Variants in TECPR2 observed in about 807,000 individuals in gnomAD.
TECPR2 encodes the protein tectonin beta-propeller repeat-containing protein 2.
Under a neutral mutation model 138.1 loss-of-function variants are expected in TECPR2, and 65 were observed. The observed-to-expected ratio is 0.47, with a 90% CI of 0.39 to 0.58. The LOEUF (loss-of-function observed/expected upper bound fraction) is 0.58. Among genes scored for constraint, TECPR2 ranks in the 20% least tolerant of loss-of-function variants. The pLI is 0.00. For synonymous variants in TECPR2, 746 were observed against 749.8 expected (o/e 0.99, Z 0.08); for missense variants, 1,553 against 1,824.5 (o/e 0.85, Z 2.71).
chr14:102,431,580 G>A (rs887886777), intron 7 of TECPR2, among the ~76,000 whole-genome samples: 4 of 152,116 alleles, frequency 2.6e-5, no homozygotes, highest in East Asian at 1.9e-4. Context: ...CTGACCTTGT[G>A]ATCCGCCCGC....
intron 2 of TECPR2, among the ~76,000 whole-genome samples, chr14:102,403,696 G>C (rs914297935): frequency 6.6e-6 from 1 of 152,046 alleles, no homozygotes; most frequent in Non-Finnish European, 1.5e-5. Flanking sequence ...CAAAGTCAAT[G>C]CACAAAAATC....
At chr14:102,407,049 G>C (rs564535246) in intron 2 of TECPR2, among the ~76,000 whole-genome samples, 1 of 151,924 alleles carries the variant, frequency 6.6e-6, no homozygotes, top group Non-Finnish European at 1.5e-5. Flanking sequence ...TAGTAGAGAC[G>C]GGGTTTCGCC....
Position 102,443,536 on chromosome 14 carries a change from A to G in TECPR2, c.2753-111A>G. Reference sequence around the variant, plus strand: ...GTTTTTTTTTAAAGCACTCATCATAAAAGAATATAGCAAAATACCAAAAAA... The same window carrying G: ...GTTTTTTTTTAAAGCACTCATCATAGAAGAATATAGCAAAATACCAAAAAA... On this transcript the variant is annotated intron_variant, in intron 11 of 19. Coordinates refer to ENST00000359520, the MANE Select transcript of TECPR2 (RefSeq NM_014844.5). The surrounding 1 kb of genome is among the most constrained non-coding windows in gnomAD (Gnocchi z 4.9). 2.8e-6 allele frequency: 3 copies of G among 1,086,142 alleles called. No homozygotes were observed. The highest frequency in any genetic ancestry group is 2.4e-6 in the Non-Finnish European group (2 of 827,740). 67.3% of individuals were successfully genotyped at this position (1,086,142 alleles called of 1,614,324 possible).
chr14:102,376,892 C>G lies in TECPR2; in HGVS notation c.171C>G (p.Leu57=), dbSNP rs765658697. 1.9e-6 allele frequency: 3 copies of G among 1,614,172 alleles called. No homozygotes were observed. Among genetic ancestry groups the G allele is most frequent in the Non-Finnish European group, 2.5e-6 (3 of 1,180,034 alleles). ...YIAVGSSIGM[L]YLYCRHLNQM... ...CGGTGGGCAGCAGCATCGGCATGCT[C>G]TATCTGTACTGCCGGCACCTCAACC... Residue 57 remains leucine, a synonymous_variant, in exon 2 of 20, where the codon CTC becomes CTG. Transcript: ENST00000359520.
intron 17 of TECPR2, among the ~76,000 whole-genome samples, chr14:102,492,051 GT>G (rs1891171187): frequency 6.6e-6 from 1 of 152,214 alleles, no homozygotes; most frequent in Non-Finnish European, 1.5e-5. Context: ...GAAATACTGG[GT>G]AAAGGCATGA....
At chr14:102,465,599 A>C in intron 17 of TECPR2, 1 of 1,042,088 alleles carries the variant, frequency 9.6e-7, no homozygotes, top group Non-Finnish European at 1.2e-6. Flanking sequence ...TATATATTGG[A>C]ACCTCTATTT....
intron 4 of TECPR2, among the ~76,000 whole-genome samples, chr14:102,410,785 C>T (rs941251701): frequency 3.3e-5 from 5 of 152,184 alleles, no homozygotes; most frequent in African/African-American, 7.2e-5. Flanking sequence ...CATACATGCC[C>T]TGCTCTGGTT....
chr14:102,474,178 G>A (rs1053726390), intron 17 of TECPR2, among the ~76,000 whole-genome samples: 9 of 152,122 alleles, frequency 5.9e-5, no homozygotes. Context: ...TGAGGTGGGA[G>A]GATCACTTGA....
chr14:102,415,000 C>T (rs902304251), intron 5 of TECPR2, among the ~76,000 whole-genome samples: 1 of 152,106 alleles, frequency 6.6e-6, no homozygotes, highest in Non-Finnish European at 1.5e-5. Flanking sequence ...CTTCTTGTCG[C>T]AGAGCTGTAG....
chr14:102,393,575 T>A (rs912609449), intron 2 of TECPR2, among the ~76,000 whole-genome samples: 4 of 152,330 alleles, frequency 2.6e-5, no homozygotes, highest in African/African-American at 9.6e-5. Flanking sequence ...TTATTTATTT[T>A]TGAGACGGAG....
At position 102,434,487 on chromosome 14, in the gene TECPR2, C is replaced by A; in HGVS notation, c.1670C>A (p.Pro557His). The A allele has an allele frequency of 1.3e-6, 2 of 1,561,136 alleles. No individual in the cohort carries two copies. The highest frequency in any genetic ancestry group is 1.7e-6 in the Non-Finnish European group (2 of 1,154,066). The change falls in exon 9 of 20, where the codon CCT (proline) becomes CAT (histidine). Residue 557 changes from proline to histidine, a missense_variant. Pro to His is a moderately conservative substitution (Grantham distance 77). Transcript: ENST00000359520. Reference sequence around the variant, plus strand: ...GTCCTGGAGGTGTCAGGATCAATGCCTGATTCTCTGGCTGAGGAAGATGAC... The same window carrying A: ...GTCCTGGAGGTGTCAGGATCAATGCATGATTCTCTGGCTGAGGAAGATGAC... ...FNVLEVSGSM[P>H]DSLAEEDDIR...
intron 1 of TECPR2, among the ~76,000 whole-genome samples, chr14:102,370,951 G>C (rs911229349): frequency 3.3e-5 from 5 of 152,220 alleles, no homozygotes; most frequent in African/African-American, 1.2e-4. Context: ...ACTGGTAGAA[G>C]ATACAAGATA....
rs74646504 is a variant in TECPR2 at position 102,437,921 on chromosome 14, G to A, written c.2395-101G>A. 2,793 of 1,371,340 alleles carry A rather than the reference G, an allele frequency of 2.0e-3. 57 individuals carry two copies. The African/African-American group carries it at 0.035, about 17-fold the overall frequency. 84.9% of individuals were successfully genotyped at this position (1,371,340 alleles called of 1,614,324 possible). A position where few individuals can be genotyped will look rare whatever the true frequency, so the allele number is the denominator to read the frequency against. The stretch of plus-strand genomic sequence containing the variant: ...TGGCGTCTTGCTGACCCGTTTTACC[G>A]TCTCGTGTTAATGATATCCTCTCAC... On this transcript the variant is annotated intron_variant, in intron 9 of 19. Coordinates refer to ENST00000359520, the MANE Select transcript of TECPR2 (RefSeq NM_014844.5).
At chr14:102,477,596 A>T (rs1349240092) in intron 17 of TECPR2, among the ~76,000 whole-genome samples, 2 of 144,626 alleles carry the variant, frequency 1.4e-5, no homozygotes. Context: ...TGTAGCCCAG[A>T]CTGGGGTACA....
chr14:102,418,085 A>G lies in TECPR2; in HGVS notation c.638+3292A>G, dbSNP rs996751245. ...ACATAAGGGGTTTGACGGGCCTGTC[A>G]GGTGGCTGCGTGGGAGTCGCAGAAG... is the stretch of plus-strand genomic sequence containing the variant. On this transcript the variant is annotated intron_variant, in intron 5 of 19. Transcript: ENST00000359520. Among the ~76,000 whole-genome samples the G allele has an allele frequency of 1.5e-3, 235 of 152,224 alleles. 1 individual carries two copies. The highest frequency in any genetic ancestry group is 5.2e-3 in the African/African-American group (214 of 41,546).
intron 19 of TECPR2, 53 bp from the exon 20 acceptor site, chr14:102,498,050 C>CAAGCTCCCAGCTCCATCTGTGCCT: frequency 6.3e-7 from 1 of 1,584,854 alleles, no homozygotes; most frequent in Non-Finnish European, 8.6e-7. Context: ...CATCTGTGCC[C>CAAGCTCCCAGCTCCATCTGTGCCT]ACCCCACAGG....
chr14:102,479,615 T>C (rs1890841130), intron 17 of TECPR2, among the ~76,000 whole-genome samples: 1 of 152,204 alleles, frequency 6.6e-6, no homozygotes, highest in Non-Finnish European at 1.5e-5. Context: ...ATCTGTGAGA[T>C]GTGAGATTGG....
Position 102,370,520 on chromosome 14 carries a change from A to T in TECPR2, c.-72-6130A>T, listed in dbSNP as rs1766401882. Among the ~76,000 whole-genome samples, 3 of 152,262 alleles carry T rather than the reference A, an allele frequency of 2.0e-5. No homozygotes were observed. The South Asian group carries it at 6.2e-4, about 31-fold the overall frequency. On this transcript the variant is annotated intron_variant, in intron 1 of 19. Coordinates refer to ENST00000359520, the MANE Select transcript of TECPR2 (RefSeq NM_014844.5). The stretch of plus-strand genomic sequence containing the variant: ...ATAGGGAGTAGAAGGTGTGAAGGCC[A>T]GGACGTGAGAGGCCAGGCCTGTTGT...
chr14:102,433,606 C>T (rs1448792852), intron 8 of TECPR2, among the ~76,000 whole-genome samples: 2 of 151,902 alleles, frequency 1.3e-5, no homozygotes, highest in East Asian at 3.9e-4. Context: ...CTGCAACTTC[C>T]GCCTCCCAAG....
Sources: gnomAD v4.1 joint callset for allele counts (sites outside exome capture counted in the v4.1 genomes callset) on GRCh38, gnomAD v4.1.1 for gene constraint, Gnocchi (gnomAD v3.1) non-coding constraint, MANE v1.5 for transcripts, NCBI Gene and HGNC (gene_info 2026-07-23, HGNC 2026-07-21) for gene names.